The following IRS1 variants were observed in gnomAD, a reference collection of about 807,000 sequenced individuals.
The protein encoded by IRS1 is insulin receptor substrate 1.
A neutral mutation model predicts 65.6 loss-of-function variants in IRS1; 34 were observed. The ratio of observed to expected loss-of-function variants is 0.52; its 90% CI spans 0.39 to 0.69. The LOEUF (loss-of-function observed/expected upper bound fraction) is 0.69. Among genes scored for constraint, IRS1 ranks in the 30% least tolerant of loss-of-function variants. IRS1 has a pLI of 0.00. For missense variants in IRS1, 1,641 were observed against 1,720.2 expected (o/e 0.95, Z 0.81); for synonymous variants, 699 against 683.5 (o/e 1.02, Z -0.35).
At chr2:226,782,580 T>G (rs1939403846) in intron 1 of IRS1, among the ~76,000 whole-genome samples, 1 of 152,130 alleles carries the variant, frequency 6.6e-6, no homozygotes, top group African/African-American at 2.4e-5. Flanking sequence ...CAGTTTGTTG[T>G]GTAAGTGGGG....
Position 226,798,747 on chromosome 2 carries a change from C to A in IRS1, c.-9G>T, listed in dbSNP as rs774079123. 6.2e-7 allele frequency: 1 copy of A among 1,609,334 alleles called. No individual in the cohort carries two copies. The highest frequency in any genetic ancestry group is 8.5e-7 in the Non-Finnish European group (1 of 1,178,548). On this transcript the variant is annotated 5_prime_UTR_variant, in exon 1 of 2. Coordinates refer to ENST00000305123, the MANE Select transcript of IRS1 (RefSeq NM_005544.3). The surrounding 1 kb of genome is among the most constrained non-coding windows in gnomAD (Gnocchi z 9.4). ...TCCGGAGGGCTCGCCATGCTGCCAC[C>A]GCCACCACCAACGCTGAGCAGAGGG...
Position 226,798,621 on chromosome 2 carries a change from C to T in IRS1, c.118G>A (p.Gly40Ser). Residue 40 changes from glycine to serine, a missense_variant, in exon 1 of 2, where the codon GGC becomes AGC. Physicochemically the swap from Gly to Ser is moderately conservative, Grantham distance 56. Transcript: ENST00000305123. This position sits in a 1 kb window ranked among gnomAD's most constrained non-coding sequence, Gnocchi z 9.4. ...TCGTAGTACTCGAGGCGCGCCGGGC[C>T]CCCAGCCTCGCTGGCCGCGCGCAGT... Reference protein sequence around the residue: ...FVLRAASEAGGPARLEYYENE... With the variant: ...FVLRAASEAGSPARLEYYENE... 2 of 1,613,034 alleles carry T rather than the reference C, an allele frequency of 1.2e-6. No individual in the cohort carries two copies. Among genetic ancestry groups the T allele is most frequent in the Non-Finnish European group, 8.5e-7 (1 of 1,179,556 alleles).
At position 226,797,956 on chromosome 2, in the gene IRS1, A is replaced by T. The variant is rs1939781788; in HGVS notation, c.783T>A (p.Ser261Arg). Reference protein sequence around the residue: ...ETILEAMRAMSDEFRPRSKSQ... With the variant: ...ETILEAMRAMRDEFRPRSKSQ... The stretch of plus-strand genomic sequence containing the variant: ...TCTTGCTGCGAGGGCGGAACTCATC[A>T]CTCATGGCCCGCATGGCCTCCAGGA... Residue 261 changes from serine (S) to arginine (R), a missense_variant, in exon 1 of 2, where the codon AGT (serine) becomes AGA (arginine). This residue lies in a region of IRS1 where 1,324 missense variants were observed against 1,361.0 expected (regional missense o/e 0.97). Coordinates refer to ENST00000305123, the MANE Select transcript of IRS1 (RefSeq NM_005544.3). The surrounding 1 kb of genome is among the most constrained non-coding windows in gnomAD (Gnocchi z 8.1). 1 of 1,613,716 alleles carries T rather than the reference A, an allele frequency of 6.2e-7. No individual in the cohort carries two copies. Among genetic ancestry groups the T allele is most frequent in the African/African-American group, 1.3e-5 (1 of 74,830 alleles).
In IRS1 at chr2:226,799,577, G is replaced by A. The variant is rs899959423; in HGVS notation, c.-839C>T. 5.8e-6 allele frequency: 6 copies of A among 1,031,942 alleles called. No individual in the cohort carries two copies. Among genetic ancestry groups the A allele is most frequent in the African/African-American group, 1.7e-5 (1 of 57,408 alleles). The allele number at this position is 1,031,942 out of a possible 1,614,324, so 63.9% of individuals were successfully genotyped here. A position where few individuals can be genotyped will look rare whatever the true frequency, so the allele number is the denominator to read the frequency against. ...AGGAGGGGAGGGGACAAGGGCGAGA[G>A]GGGATGGGGGAGGTTTGGGAAGGGT... On this transcript the variant is annotated 5_prime_UTR_variant, in exon 1 of 2. Transcript: ENST00000305123. This position sits in a 1 kb window ranked among gnomAD's most constrained non-coding sequence, Gnocchi z 6.1.
intron 1 of IRS1, among the ~76,000 whole-genome samples, chr2:226,741,380 C>T (rs1938432570): frequency 6.6e-6 from 1 of 152,254 alleles, no homozygotes; most frequent in African/African-American, 2.4e-5. Context: ...AATCTTCTGG[C>T]TCCCTGGCTT....
chr2:226,736,088 A>G lies in IRS1; in HGVS notation c.*184T>C, dbSNP rs893435426. On this transcript the variant is annotated 3_prime_UTR_variant, in exon 2 of 2. Transcript: ENST00000305123. ...CAATATAGAACGTGCAGTTCAGTCA[A>G]TGAAATCCTGAGGATTGGATAAAGT... 2 of 152,590 alleles carry G rather than the reference A, an allele frequency of 1.3e-5. No individual in the cohort carries two copies. The highest frequency in any genetic ancestry group is 2.1e-4 in the South Asian group (1 of 4,830). The allele number at this position is 152,590 out of a possible 1,614,324, so 9.5% of individuals were successfully genotyped here.
chr2:226,763,504 T>C (rs928538531), intron 1 of IRS1, among the ~76,000 whole-genome samples: 4 of 152,096 alleles, frequency 2.6e-5, no homozygotes, highest in Non-Finnish European at 5.9e-5. Flanking sequence ...AAACGAGCAA[T>C]CCAGGGAGCT....
intron 1 of IRS1, among the ~76,000 whole-genome samples, chr2:226,763,882 C>T (rs1021330714): frequency 6.6e-6 from 1 of 152,140 alleles, no homozygotes; most frequent in Non-Finnish European, 1.5e-5. Context: ...TGGAAACCTA[C>T]AATGAATCTC....
intron 1 of IRS1, among the ~76,000 whole-genome samples, chr2:226,761,391 G>A (rs1467913263): frequency 1.3e-5 from 2 of 152,050 alleles, no homozygotes; most frequent in Non-Finnish European, 2.9e-5. Flanking sequence ...CAATTCCATG[G>A]AATTGTGCTG....
intron 1 of IRS1, among the ~76,000 whole-genome samples, chr2:226,778,209 T>C (rs1939310577): frequency 6.6e-6 from 1 of 152,138 alleles, no homozygotes; most frequent in Admixed American, 6.5e-5. Flanking sequence ...ATTTAAATCT[T>C]CTGATAAAAA....
At chr2:226,763,484 C>T (rs1250830043) in intron 1 of IRS1, among the ~76,000 whole-genome samples, 1 of 152,134 alleles carries the variant, frequency 6.6e-6, no homozygotes, top group Non-Finnish European at 1.5e-5. Context: ...TGAATGCCAA[C>T]GTGAAAATGA....
At chr2:226,776,263 T>C (rs1490445709) in intron 1 of IRS1, among the ~76,000 whole-genome samples, 1 of 151,516 alleles carries the variant, frequency 6.6e-6, no homozygotes, top group Non-Finnish European at 1.5e-5. Context: ...TGACCTGAAG[T>C]ATAAAATAAG....
chr2:226,795,248 G>A lies in IRS1; in HGVS notation c.3491C>T (p.Ala1164Val). ...ACCCCCAGCAGCCCCACACAGTTTG[G>A]CTGGCTCCTTGGGGGCTCCCCCAAG... is the stretch of plus-strand genomic sequence containing the variant. ...GELGGAPKEP[A>V]KLCGAAGGLE... The change falls in exon 1 of 2, where the codon GCC (alanine) becomes GTC (valine). Residue 1164 changes from alanine to valine, a missense_variant. Physicochemically the swap from Ala to Val is moderately conservative, Grantham distance 64 (BLOSUM62 0). This residue lies in a region of IRS1 where 1,324 missense variants were observed against 1,361.0 expected (regional missense o/e 0.97). Coordinates refer to ENST00000305123, the MANE Select transcript of IRS1 (RefSeq NM_005544.3). 1 of 1,613,880 alleles carries A rather than the reference G, an allele frequency of 6.2e-7. No individual in the cohort carries two copies. The highest frequency in any genetic ancestry group is 8.5e-7 in the Non-Finnish European group (1 of 1,179,970).
chr2:226,767,921 C>A (rs1042883452), intron 1 of IRS1, among the ~76,000 whole-genome samples: 1 of 152,134 alleles, frequency 6.6e-6, no homozygotes, highest in African/African-American at 2.4e-5. Context: ...TCCAGGCACA[C>A]ACACTGACAT....
Position 226,749,406 on chromosome 2 carries a change from A to G in IRS1, c.*22-13156T>C, listed in dbSNP as rs369376569. On this transcript the variant is annotated intron_variant, in intron 1 of 1. Coordinates refer to ENST00000305123, the MANE Select transcript of IRS1 (RefSeq NM_005544.3). ...AAACACAGCCACTGACTTGCCCCAC[A>G]TCATTTCTTCTGGGATTCTCTTTGT... Among the ~76,000 whole-genome samples, 38 of 152,320 alleles carry G rather than the reference A, an allele frequency of 2.5e-4. No individual in the cohort carries two copies. The South Asian group carries it at 7.5e-3, about 30-fold the overall frequency.
At chr2:226,751,141 G>A (rs142504336) in intron 1 of IRS1, among the ~76,000 whole-genome samples, 5 of 152,156 alleles carry the variant, frequency 3.3e-5, no homozygotes, top group Non-Finnish European at 7.3e-5. Context: ...TAAGGTTCTA[G>A]AAGAGTTAAC....
chr2:226,737,656 T>A (rs1373900921), intron 1 of IRS1, among the ~76,000 whole-genome samples: 3 of 152,138 alleles, frequency 2.0e-5, no homozygotes, highest in Admixed American at 6.6e-5. Flanking sequence ...TAGACATCAG[T>A]ACATGCCAAG....
At position 226,740,208 on chromosome 2, in the gene IRS1, C is replaced by A. The variant is rs188792720; in HGVS notation, c.*22-3958G>T. Among the ~76,000 whole-genome samples, 3 of 152,344 alleles carry A rather than the reference C, an allele frequency of 2.0e-5. No individual in the cohort carries two copies. In the East Asian group the frequency reaches 5.8e-4, roughly 29 times the overall value. ...CTTCTGAAGGCAGAAATACAATGCA[C>A]CTGTCACGAGATTTAGTAGCAGGAA... On this transcript the variant is annotated intron_variant, in intron 1 of 1. Transcript: ENST00000305123.
chr2:226,795,414 TG>T lies in IRS1; in HGVS notation c.3324del (p.Ser1109ValfsTer17). 1.9e-6 allele frequency: 3 copies of T among 1,613,490 alleles called. No individual in the cohort carries two copies. Among genetic ancestry groups the T allele is most frequent in the Non-Finnish European group, 2.5e-6 (3 of 1,180,006 alleles). ...ACTGTGTTGCCCACCCGGGTGGCACTGGGTGTTGAGGAGAAAGTCTCGGAGC... is the reference window on the plus strand; with the variant it reads ...ACTGTGTTGCCCACCCGGGTGGCACTGGTGTTGAGGAGAAAGTCTCGGAGC... ...RHSSETFSST[P>X]SATRVGNTVP... On this transcript the variant is annotated frameshift_variant, in exon 1 of 2. Transcript: ENST00000305123. LOFTEE classifies it high-confidence loss of function.
Sources: gnomAD v4.1 joint callset for allele counts (sites outside exome capture counted in the v4.1 genomes callset) on GRCh38, gnomAD v4.1.1 for gene constraint, gnomAD v4.1.1 regional missense constraint, Gnocchi (gnomAD v3.1) non-coding constraint, MANE v1.5 for transcripts, NCBI Gene and HGNC (gene_info 2026-07-23, HGNC 2026-07-21) for gene names.